Variants in SERPINA4 observed in about 807,000 individuals in gnomAD.
The protein encoded by SERPINA4 is kallistatin.
In SERPINA4, 24 loss-of-function variants were observed where a neutral mutation model predicts 25.4. The ratio of observed to expected loss-of-function variants is 0.95; its 90% CI spans 0.69 to 1.33. SERPINA4 has a LOEUF of 1.33. Ranked by LOEUF, SERPINA4 falls within the 40% of genes most tolerant of loss-of-function variation. The pLI, the probability that SERPINA4 is intolerant of heterozygous loss-of-function variation, is 0.00. For synonymous variants in SERPINA4, 242 were observed against 223.6 expected (o/e 1.08, Z -0.73); for missense variants, 553 against 535.8 (o/e 1.03, Z -0.32).
At position 94,568,266 on chromosome 14, in the gene SERPINA4, A is replaced by G. The variant is rs1383297974; in HGVS notation, c.1061A>G (p.Gln354Arg). 34 of 1,614,206 alleles carry G rather than the reference A, an allele frequency of 2.1e-5. No homozygotes were observed. Among genetic ancestry groups the G allele is most frequent in the Non-Finnish European group, 2.8e-5 (33 of 1,180,028 alleles). ...GCTGACTTATCCGGCATCACCAAAC[A>G]GCAAAAACTGGAGGCATCCAAAGTA... The part of the protein sequence containing the change: ...KWADLSGITK[Q>R]QKLEASKSFH... Residue 354 changes from glutamine to arginine, a missense_variant, in exon 4 of 5, where the codon CAG becomes CGG. Transcript: ENST00000557004.
At chr14:94,561,825 T>A in intron 1 of SERPINA4, 1 of 1,289,704 alleles carries the variant, frequency 7.8e-7, no homozygotes, top group South Asian at 1.2e-5. Flanking sequence ...CTTGGGGAGC[T>A]CATGCCGGAG....
At chr14:94,562,342 G>A (rs1193498546) in intron 1 of SERPINA4, among the ~76,000 whole-genome samples, 1 of 152,186 alleles carries the variant, frequency 6.6e-6, no homozygotes, top group African/African-American at 2.4e-5. Flanking sequence ...GAGGGGGCGA[G>A]AGGCTGAAGA....
chr14:94,568,517 T>C (rs1403108294), intron 4 of SERPINA4, among the ~76,000 whole-genome samples: 3 of 152,080 alleles, frequency 2.0e-5, no homozygotes, highest in Admixed American at 6.5e-5. Flanking sequence ...CCCAGTCTAG[T>C]CAGGGACACA....
Position 94,561,465 on chromosome 14 carries a change from CA to C in SERPINA4, c.-46del. On this transcript the variant is annotated 5_prime_UTR_variant, in exon 1 of 5. Coordinates refer to ENST00000557004, the MANE Select transcript of SERPINA4 (RefSeq NM_006215.4). ...ATAAGACAGAGCTGAGACAGCCACC[CA>C]GGGGGTCCACTCCAGGACAGACTGT... The C allele has an allele frequency of 2.9e-6, 1 of 348,528 alleles. No individual in the cohort carries two copies. The highest frequency in any genetic ancestry group is 5.4e-6 in the Non-Finnish European group (1 of 184,236). 21.6% of individuals were successfully genotyped at this position (348,528 alleles called of 1,614,324 possible).
Position 94,563,450 on chromosome 14 carries a change from C to A in SERPINA4, c.-17-16C>A, listed in dbSNP as rs374599275. 1.9e-6 allele frequency: 3 copies of A among 1,579,618 alleles called. No homozygotes were observed. Among genetic ancestry groups the A allele is most frequent in the Admixed American group, 3.4e-5 (2 of 58,656 alleles). On this transcript the variant is annotated splice_polypyrimidine_tract_variant and intron_variant, in intron 1 of 4. Coordinates refer to ENST00000557004, the MANE Select transcript of SERPINA4 (RefSeq NM_006215.4). ...CTTCTGGGGGAATTTCCTGGGCATT[C>A]TCTTCCCTCCCATAGGCCTGAGAGT... is the stretch of plus-strand genomic sequence containing the variant.
At chr14:94,566,234 C>A (rs1263525871) in intron 2 of SERPINA4, among the ~76,000 whole-genome samples, 1 of 152,210 alleles carries the variant, frequency 6.6e-6, no homozygotes. Context: ...TACATCTGCA[C>A]CCAGCAGCTG....
At position 94,568,279 on chromosome 14, in the gene SERPINA4, G is replaced by C; in HGVS notation, c.1074G>C (p.Glu358Asp). 1 of 1,614,176 alleles carries C rather than the reference G, an allele frequency of 6.2e-7. No individual in the cohort carries two copies. The highest frequency in any genetic ancestry group is 8.5e-7 in the Non-Finnish European group (1 of 1,180,028). The change falls in exon 4 of 5, where the codon GAG (glutamate) becomes GAC (aspartate). Residue 358 changes from glutamate to aspartate, a missense_variant. By Grantham distance (45) the Glu-to-Asp change is conservative. Transcript: ENST00000557004. ...GCATCACCAAACAGCAAAAACTGGA[G>C]GCATCCAAAGTAAGTCGTCAACAGT... ...LSGITKQQKL[E>D]ASKSFHKATL...
chr14:94,566,765 T>C (rs1902224589), intron 2 of SERPINA4, among the ~76,000 whole-genome samples: 1 of 152,218 alleles, frequency 6.6e-6, no homozygotes, highest in Admixed American at 6.5e-5. Context: ...TATCTCTCAT[T>C]TTAAAATTTA....
chr14:94,566,631 C>G (rs897180178), intron 2 of SERPINA4, among the ~76,000 whole-genome samples: 2 of 152,188 alleles, frequency 1.3e-5, no homozygotes, highest in Non-Finnish European at 2.9e-5. Context: ...CCCCTCTGCT[C>G]ACACTCTGCC....
At chr14:94,564,402 C>T (rs556626309) in intron 2 of SERPINA4, among the ~76,000 whole-genome samples, 32 of 152,228 alleles carry the variant, frequency 2.1e-4, no homozygotes, top group African/African-American at 7.5e-4. Flanking sequence ...AGTTGAATTG[C>T]TGGATTCATA....
At chr14:94,569,002 G>A (rs1368887713) in intron 4 of SERPINA4, among the ~76,000 whole-genome samples, 6 of 152,158 alleles carry the variant, frequency 3.9e-5, no homozygotes, top group Non-Finnish European at 7.4e-5. Flanking sequence ...AAAAGTGCAC[G>A]AGGGGGTAGA....
chr14:94,568,877 A>G (rs1902305264), intron 4 of SERPINA4, among the ~76,000 whole-genome samples: 1 of 151,672 alleles, frequency 6.6e-6, no homozygotes, highest in South Asian at 2.1e-4. Flanking sequence ...CAAAAAAAAA[A>G]AAAAAGAAAA....
At chr14:94,565,522 T>C (rs940641842) in intron 2 of SERPINA4, among the ~76,000 whole-genome samples, 1 of 152,202 alleles carries the variant, frequency 6.6e-6, no homozygotes. Context: ...ATGTGGAATT[T>C]TCATGAACCA....
chr14:94,566,678 A>C (rs1027094150), intron 2 of SERPINA4, among the ~76,000 whole-genome samples: 5 of 152,120 alleles, frequency 3.3e-5, no homozygotes, highest in African/African-American at 1.2e-4. Flanking sequence ...TCACCTAACA[A>C]TGAAACTCTC....
intron 2 of SERPINA4, 85 bp downstream of exon 2, chr14:94,564,216 C>A: frequency 1.4e-6 from 2 of 1,407,862 alleles, no homozygotes; most frequent in Non-Finnish European, 9.8e-7. Flanking sequence ...TATATTTTTA[C>A]AAAAATGTAA....
rs1375318154 is a variant in SERPINA4, at chr14:94,566,962, C to G, written c.650-8C>G. 1.2e-6 allele frequency: 2 copies of G among 1,607,874 alleles called. No homozygotes were observed. Among genetic ancestry groups the G allele is most frequent in the Non-Finnish European group, 1.7e-6 (2 of 1,175,992 alleles). On this transcript the variant is annotated splice_region_variant and splice_polypyrimidine_tract_variant and intron_variant, in intron 2 of 4. Transcript: ENST00000557004. ...ATGTCCTGTACCTTCTTTTCATCTT[C>G]CCTTCAGCCCTGTGGGAGAAACCAT... is the stretch of plus-strand genomic sequence containing the variant.
At chr14:94,568,374 C>A in intron 4 of SERPINA4, 86 bp downstream of exon 4, 1 of 1,409,306 alleles carries the variant, frequency 7.1e-7, no homozygotes, top group Non-Finnish European at 9.8e-7. Context: ...TCCCAAGCTG[C>A]CACATGGAGT....
Position 94,564,131 on chromosome 14 carries a change from G to T in SERPINA4, c.649G>T (p.Ala217Ser), listed in dbSNP as rs1486770597. ...MVLVNYIYFKALWEKPFISSR... is the reference protein window; with the variant it reads ...MVLVNYIYFKSLWEKPFISSR... Reference sequence around the variant, plus strand: ...GCTGGTGAATTACATTTACTTCAAAGGTGAGAGTCAGATCATTGGTATATG... The same window carrying T: ...GCTGGTGAATTACATTTACTTCAAATGTGAGAGTCAGATCATTGGTATATG... The change falls in exon 2 of 5, where the codon GCC (alanine) becomes TCC (serine). Residue 217 changes from alanine (A) to serine (S), a missense_variant and splice_region_variant. By Grantham distance (99) the Ala-to-Ser change is moderately conservative (BLOSUM62 1). Coordinates refer to ENST00000557004, the MANE Select transcript of SERPINA4 (RefSeq NM_006215.4). 2 of 1,599,760 alleles carry T rather than the reference G, an allele frequency of 1.3e-6. No individual in the cohort carries two copies. The highest frequency in any genetic ancestry group is 1.7e-6 in the Non-Finnish European group (2 of 1,179,732).
intron 4 of SERPINA4, 132 bp from the exon 5 acceptor site, chr14:94,569,263 T>C: frequency 1.3e-6 from 1 of 773,028 alleles, no homozygotes. Flanking sequence ...ATTCTTGCTG[T>C]GTTATCCCCA....
Sources: allele counts gnomAD v4.1 joint callset (sites outside exome capture counted in the v4.1 genomes callset), GRCh38; gene constraint gnomAD v4.1.1; transcripts MANE v1.5; gene names NCBI Gene and HGNC (gene_info 2026-07-23, HGNC 2026-07-21).